The following ZMYM5 variants were observed in gnomAD, a reference collection of about 807,000 sequenced individuals.
The protein encoded by ZMYM5 is zinc finger MYM-type containing 5.
In ZMYM5, 41 loss-of-function variants were observed where a neutral mutation model predicts 61.8. The ratio of observed to expected loss-of-function variants is 0.66; its 90% CI spans 0.52 to 0.86. The LOEUF (loss-of-function observed/expected upper bound fraction) is 0.86, where lower values mean the gene tolerates loss of function less well. ZMYM5 is among the 40% of genes least tolerant of loss of function. The probability of loss-of-function intolerance (pLI) is 0.00; values close to 1 mark genes in which losing one functional copy is unlikely to be tolerated. For missense variants in ZMYM5, 706 were observed against 786.7 expected, an observed-to-expected ratio of 0.90 and a Z score of 1.23; for synonymous variants, 257 against 276.4, an observed-to-expected ratio of 0.93 and a Z score of 0.70.
chr13:19,848,878 C>T (rs899957047), intron 4 of ZMYM5, among the ~76,000 whole-genome samples: 1 of 152,016 alleles, frequency 6.6e-6, no homozygotes, highest in Non-Finnish European at 1.5e-5. Flanking sequence ...GTGCACGCCA[C>T]TATACCTGGC....
Position 19,825,041 on chromosome 13 carries a change from G to A in ZMYM5, c.1446C>T (p.Ile482=). 7.3e-7 allele frequency: 1 copy of A among 1,367,632 alleles called. No individual in the cohort carries two copies. Among genetic ancestry groups the A allele is most frequent in the Non-Finnish European group, 9.8e-7 (1 of 1,021,848 alleles). 84.7% of individuals were successfully genotyped at this position (1,367,632 alleles called of 1,614,324 possible). ...SVECGTDTLL[I]QENVNLPPSS... The stretch of plus-strand genomic sequence containing the variant: ...AAGGAGGTAAATTCACATTCTCTTG[G>A]ATCAGTAATGTATCCGTGCCACATT... Residue 482 remains isoleucine, a synonymous_variant, in exon 8 of 8, where the codon ATC becomes ATT. Transcript: ENST00000337963.
intron 2 of ZMYM5, among the ~76,000 whole-genome samples, chr13:19,854,880 C>T (rs1462800748): frequency 6.6e-6 from 1 of 152,078 alleles, no homozygotes; most frequent in Non-Finnish European, 1.5e-5. Context: ...GACTCTAAAA[C>T]CTATTTCTTA....
intron 4 of ZMYM5, among the ~76,000 whole-genome samples, chr13:19,846,633 T>A (rs1473038874): frequency 1.3e-5 from 2 of 152,148 alleles, no homozygotes; most frequent in South Asian, 4.1e-4. Context: ...ATTTAGGATC[T>A]GAGTGAACCA....
At chr13:19,856,967 G>A (rs1470525367) in intron 2 of ZMYM5, among the ~76,000 whole-genome samples, 1 of 152,068 alleles carries the variant, frequency 6.6e-6, no homozygotes, top group African/African-American at 2.4e-5. Context: ...TTAGCCGGGT[G>A]TGGTGGTGGG....
At chr13:19,830,012 A>G (rs994462063) in intron 7 of ZMYM5, among the ~76,000 whole-genome samples, 1 of 152,146 alleles carries the variant, frequency 6.6e-6, no homozygotes, top group African/African-American at 2.4e-5. Context: ...TGTGCTGTGC[A>G]CTGCAGATGT....
chr13:19,861,154 A>G (rs552191813), intron 2 of ZMYM5, among the ~76,000 whole-genome samples: 1 of 151,662 alleles, frequency 6.6e-6, no homozygotes, highest in South Asian at 2.1e-4. Context: ...GAGCCACTTT[A>G]CCCATTTTTT....
chr13:19,841,667 T>G (rs776737674), intron 4 of ZMYM5, among the ~76,000 whole-genome samples: 23 of 152,014 alleles, frequency 1.5e-4, no homozygotes, highest in Non-Finnish European at 2.9e-4. Flanking sequence ...AAGAGCAAAT[T>G]CTAAATTTAG....
Position 19,838,787 on chromosome 13 carries a change from C to T in ZMYM5, c.785G>A (p.Gly262Glu), listed in dbSNP as rs1410947868. Residue 262 changes from glycine (G) to glutamate (E), a missense_variant, in exon 5 of 8, where the codon GGA (glycine) becomes GAA (glutamate). This residue lies in a region of ZMYM5 where 480 missense variants were observed against 461.7 expected (regional missense o/e 1.04). Transcript: ENST00000337963. ...QKGQTAYQRK[G>E]SAHLFCSTTC... Reference sequence around the variant, plus strand: ...GGTAGAGCAAAAGAGGTGAGCTGATCCTTTTCGTTGATAAGCTGTCTGTCC... The same window carrying T: ...GGTAGAGCAAAAGAGGTGAGCTGATTCTTTTCGTTGATAAGCTGTCTGTCC... 3 of 1,614,028 alleles carry T rather than the reference C, an allele frequency of 1.9e-6. No homozygotes were observed. Among genetic ancestry groups the T allele is most frequent in the African/African-American group, 1.3e-5 (1 of 74,938 alleles).
chr13:19,840,740 G>A (rs566492873), intron 4 of ZMYM5, among the ~76,000 whole-genome samples: 68 of 151,374 alleles, frequency 4.5e-4, no homozygotes, highest in Non-Finnish European at 8.3e-4. Flanking sequence ...GCAGTGGTGC[G>A]ATCTCGGCTC....
chr13:19,832,834 A>G (rs1952568553), intron 7 of ZMYM5, among the ~76,000 whole-genome samples: 1 of 151,832 alleles, frequency 6.6e-6, no homozygotes, highest in African/African-American at 2.4e-5. Context: ...GTGCAATCAT[A>G]GCTCACTCAC....
chr13:19,841,634 T>C (rs574675980), intron 4 of ZMYM5, among the ~76,000 whole-genome samples: 2 of 151,704 alleles, frequency 1.3e-5, no homozygotes, highest in East Asian at 1.9e-4. Context: ...ATGTTTATAA[T>C]GCAACAAAAA....
chr13:19,835,900 T>G (rs989928662), intron 6 of ZMYM5, among the ~76,000 whole-genome samples: 8 of 152,018 alleles, frequency 5.3e-5, no homozygotes, highest in Non-Finnish European at 8.8e-5. Flanking sequence ...CTCGGCTCAC[T>G]GCAACCTCTG....
chr13:19,839,063 G>C, intron 4 of ZMYM5, 78 bp from the exon 5 acceptor site: 1 of 1,531,428 alleles, frequency 6.5e-7, no homozygotes, highest in East Asian at 2.3e-5. Flanking sequence ...TTTCATTTAA[G>C]AGTTTAAGAG....
intron 6 of ZMYM5, among the ~76,000 whole-genome samples, chr13:19,836,857 C>T (rs1387347401): frequency 6.6e-6 from 1 of 152,118 alleles, no homozygotes; most frequent in Admixed American, 6.6e-5. Flanking sequence ...TGTTTCTTCT[C>T]TTCTAGGAAA....
At chr13:19,837,863 T>C (rs1265159121) in intron 5 of ZMYM5, 42 bp from the exon 6 acceptor site, 2 of 1,552,740 alleles carry the variant, frequency 1.3e-6, no homozygotes, top group East Asian at 2.3e-5. Flanking sequence ...GAACACTGAA[T>C]TTTAATACAA....
chr13:19,828,568 A>G (rs143324492), intron 7 of ZMYM5, among the ~76,000 whole-genome samples: 2 of 152,306 alleles, frequency 1.3e-5, no homozygotes, highest in Non-Finnish European at 2.9e-5. Context: ...GATTGCTCTA[A>G]TTGTATTATG....
Position 19,835,555 on chromosome 13 carries a change from A to G in ZMYM5, c.1173T>C (p.Ser391=), listed in dbSNP as rs368252781. Residue 391 remains serine (S), a synonymous_variant, in exon 7 of 8, where the codon AGT becomes AGC. Transcript: ENST00000337963. ...EHCGEYMPSK[S]TGNNILVIGG... Reference sequence around the variant, plus strand: ...CAATCACCAGGATGTTGTTTCCAGTACTCTTACTAGGCATGTACTCTCCAC... The same window carrying G: ...CAATCACCAGGATGTTGTTTCCAGTGCTCTTACTAGGCATGTACTCTCCAC... 5 of 1,367,488 alleles carry G rather than the reference A, an allele frequency of 3.7e-6. No individual in the cohort carries two copies. Among genetic ancestry groups the G allele is most frequent in the Non-Finnish European group, 4.9e-6 (5 of 1,021,810 alleles). The allele number at this position is 1,367,488 out of a possible 1,614,324, so 84.7% of individuals were successfully genotyped here.
At chr13:19,833,647 A>G (rs1023533170) in intron 7 of ZMYM5, among the ~76,000 whole-genome samples, 1 of 152,208 alleles carries the variant, frequency 6.6e-6, no homozygotes, top group Admixed American at 6.6e-5. Context: ...TAAAACTGAA[A>G]AGATTCTAGA....
At chr13:19,827,014 T>C (rs904340690) in intron 7 of ZMYM5, among the ~76,000 whole-genome samples, 1 of 152,196 alleles carries the variant, frequency 6.6e-6, no homozygotes, top group African/African-American at 2.4e-5. Flanking sequence ...ATTCTATTTA[T>C]GTGAAATGTT....
Sources: gnomAD v4.1 joint callset for allele counts (sites outside exome capture counted in the v4.1 genomes callset) on GRCh38, gnomAD v4.1.1 for gene constraint, gnomAD v4.1.1 regional missense constraint, MANE v1.5 for transcripts, NCBI Gene and HGNC (gene_info 2026-07-23, HGNC 2026-07-21) for gene names.